The following EDA variants were observed in gnomAD, a reference collection of about 807,000 sequenced individuals.
EDA encodes ectodysplasin A.
Under a neutral mutation model 23.6 loss-of-function variants are expected in EDA, and 2 were observed. The observed-to-expected ratio is 0.08, with a 90% confidence interval of 0.03 to 0.27. EDA has a LOEUF of 0.27. Ranked by LOEUF, EDA falls within the 10% of genes least tolerant of loss-of-function variation. The pLI, the probability that EDA is intolerant of heterozygous loss-of-function variation, is 1.00. For synonymous variants in EDA, 131 were observed against 132.0 expected (o/e 0.99, Z 0.05); for missense variants, 229 against 324.2 (o/e 0.71, Z 2.26).
At chrX:69,845,266 G>A (rs374566151) in intron 1 of EDA, among the ~76,000 whole-genome samples, 8 of 112,188 alleles carry the variant, frequency 7.1e-5, no homozygotes, top group African/African-American at 2.6e-4. Flanking sequence ...TTTTAGTGAT[G>A]GTCTTTATAA....
At chrX:69,864,135 T>C (rs2017446563) in intron 1 of EDA, among the ~76,000 whole-genome samples, 1 of 111,501 alleles carries the variant, frequency 9.0e-6, no homozygotes, top group African/African-American at 3.3e-5. Flanking sequence ...AAATGTTGCC[T>C]TTTAAATTTT....
intron 1 of EDA, among the ~76,000 whole-genome samples, chrX:69,711,736 C>A (rs1383784241): frequency 2.7e-5 from 3 of 111,391 alleles, no homozygotes; most frequent in Admixed American, 1.9e-4. Context: ...GTGTATGTGT[C>A]GAGGAATTTA....
At chrX:69,734,226 A>G (rs2013162294) in intron 1 of EDA, among the ~76,000 whole-genome samples, 1 of 111,544 alleles carries the variant, frequency 9.0e-6, no homozygotes, top group Non-Finnish European at 1.9e-5. Flanking sequence ...ACATGGACAC[A>G]GTGTTATTTG....
intron 1 of EDA, among the ~76,000 whole-genome samples, chrX:69,750,588 G>A (rs1013293012): frequency 9.0e-6 from 1 of 111,212 alleles, no homozygotes; most frequent in African/African-American, 3.3e-5. Context: ...GATCCTTGAG[G>A]AATCTCCACA....
intron 1 of EDA, among the ~76,000 whole-genome samples, chrX:69,873,427 C>CA (rs1289015316): frequency 5.4e-5 from 6 of 110,286 alleles, no homozygotes; most frequent in East Asian, 2.8e-4. Context: ...TTGAAACAAA[C>CA]AAAAAAAATA....
intron 1 of EDA, among the ~76,000 whole-genome samples, chrX:69,659,547 A>G (rs914559181): frequency 1.9e-4 from 21 of 111,870 alleles, no homozygotes; most frequent in African/African-American, 6.5e-4. Context: ...TAAAAATTAC[A>G]CTCCAAATCC....
chrX:69,836,649 G>A (rs906143858), intron 1 of EDA, among the ~76,000 whole-genome samples: 6 of 112,172 alleles, frequency 5.3e-5, no homozygotes, highest in East Asian at 2.8e-4. Flanking sequence ...ACAGCTTCCC[G>A]TGGCTAGGAA....
intron 1 of EDA, among the ~76,000 whole-genome samples, chrX:69,764,206 C>CCACT (rs201309768): frequency 0.014 from 1,442 of 104,168 alleles, 30 homozygotes; most frequent in African/African-American, 0.049. Flanking sequence ...TCCACCACTA[C>CCACT]CACTACCACT....
chrX:69,950,948 G>C (rs148243627), intron 1 of EDA, among the ~76,000 whole-genome samples: 20,234 of 70,632 alleles, frequency 0.29, 3,113 homozygotes, highest in Middle Eastern at 0.57. Context: ...TTGTGGGGTG[G>C]GGGGAGGGGG....
intron 1 of EDA, among the ~76,000 whole-genome samples, chrX:69,746,556 C>A (rs1180767540): frequency 9.0e-6 from 1 of 110,827 alleles, no homozygotes; most frequent in Non-Finnish European, 1.9e-5. Context: ...TTCCAGTATG[C>A]CCTTTTTCAG....
intron 1 of EDA, among the ~76,000 whole-genome samples, chrX:69,718,770 A>G (rs778851168): frequency 2.0e-4 from 22 of 110,510 alleles, no homozygotes; most frequent in Non-Finnish European, 4.0e-4. Flanking sequence ...TTTAAATTAT[A>G]TTTTCTTTGT....
chrX:69,868,122 G>A (rs1013479791), intron 1 of EDA, among the ~76,000 whole-genome samples: 10 of 111,567 alleles, frequency 9.0e-5, no homozygotes, highest in African/African-American at 2.6e-4. Context: ...GTGAGAGCCC[G>A]CCAAAGGCTC....
chrX:69,975,956 G>A (rs1017815517), intron 2 of EDA, among the ~76,000 whole-genome samples: 7 of 111,877 alleles, frequency 6.3e-5, no homozygotes, highest in African/African-American at 2.3e-4. Context: ...ACATAGAAAC[G>A]TGTCATGGTG....
At chrX:69,736,176 C>T (rs2013248275) in intron 1 of EDA, among the ~76,000 whole-genome samples, 1 of 109,558 alleles carries the variant, frequency 9.1e-6, no homozygotes, top group Non-Finnish European at 1.9e-5. Context: ...CGTGGTGGCG[C>T]ATGCTGTAAT....
chrX:69,831,218 C>T (rs1356852489), intron 1 of EDA, among the ~76,000 whole-genome samples: 1 of 111,396 alleles, frequency 9.0e-6, no homozygotes, highest in Non-Finnish European at 1.9e-5. Flanking sequence ...TCCCCCAGCC[C>T]CTTACCCCAC....
At chrX:69,624,535 G>T (rs775125421) in intron 1 of EDA, among the ~76,000 whole-genome samples, 7 of 111,146 alleles carry the variant, frequency 6.3e-5, no homozygotes, top group Admixed American at 9.5e-5. Context: ...ATCTAGAAAG[G>T]ATTTATACTC....
At chrX:69,685,350 A>G (rs923037719) in intron 1 of EDA, among the ~76,000 whole-genome samples, 3 of 112,342 alleles carry the variant, frequency 2.7e-5, no homozygotes. Context: ...GTGAGATTAC[A>G]GCAAATGATT....
intron 1 of EDA, among the ~76,000 whole-genome samples, chrX:69,938,965 T>C (rs1488751773): frequency 1.8e-5 from 2 of 112,121 alleles, no homozygotes; most frequent in Non-Finnish European, 3.8e-5. Flanking sequence ...GTGTCTCTTT[T>C]AATGCTAGTA....
intron 1 of EDA, among the ~76,000 whole-genome samples, chrX:69,717,358 C>T (rs751182877): frequency 1.8e-5 from 2 of 110,984 alleles, no homozygotes; most frequent in South Asian, 3.8e-4. Flanking sequence ...ACTCTATTTT[C>T]TTCAGTGCTA....
Sources: allele counts gnomAD v4.1 joint callset (sites outside exome capture counted in the v4.1 genomes callset), GRCh38; gene constraint gnomAD v4.1.1; transcripts MANE v1.5; gene names NCBI Gene and HGNC (gene_info 2026-07-23, HGNC 2026-07-21).